Variants in KBTBD11 observed in about 807,000 individuals in gnomAD.
KBTBD11 encodes kelch repeat and BTB domain-containing protein 11.
For synonymous variants in KBTBD11, 747 were observed against 499.0 expected, an observed-to-expected ratio of 1.50 and a Z score of -6.63; for missense variants, 1,390 against 1,001.8, an observed-to-expected ratio of 1.39 and a Z score of -5.23.
rs1257047300 is a variant in KBTBD11, at chr8:2,005,815, G to A, written c.*2751G>A. The A allele has an allele frequency of 1.8e-5, 3 of 167,110 alleles. No homozygotes were observed. In the Admixed American group the frequency reaches 2.0e-4, roughly 11 times the overall value. The allele number at this position is 167,110 out of a possible 1,614,324, so 10.4% of individuals were successfully genotyped here. On this transcript the variant is annotated 3_prime_UTR_variant, in exon 2 of 2. Coordinates refer to ENST00000320248, the MANE Select transcript of KBTBD11 (RefSeq NM_014867.3). The stretch of plus-strand genomic sequence containing the variant: ...GGGGCCTTTCCAAATGTCTGAAAAG[G>A]CAGTGGTGTCTTTTGGGGAAAATGT...
chr8:1,997,874 C>T (rs951653979), intron 1 of KBTBD11, among the ~76,000 whole-genome samples: 8 of 152,294 alleles, frequency 5.3e-5, no homozygotes, highest in East Asian at 1.9e-4. Context: ...ACGGCGGCAA[C>T]GACAGAATAC....
At chr8:1,974,339 C>T (rs543421489) in intron 1 of KBTBD11, 4 of 984,594 alleles carry the variant, frequency 4.1e-6, no homozygotes, top group East Asian at 2.3e-4. Context: ...GTCACCGCCC[C>T]CGCCGAGGGT....
chr8:2,002,185 C>T lies in KBTBD11; in HGVS notation c.993C>T (p.His331=), dbSNP rs1279685425. The T allele has an allele frequency of 8.0e-7, 1 of 1,246,762 alleles. No homozygotes were observed. The highest frequency in any genetic ancestry group is 1.0e-6 in the Non-Finnish European group (1 of 998,098). The allele number at this position is 1,246,762 out of a possible 1,614,324, so 77.2% of individuals were successfully genotyped here. The part of the protein sequence containing the change: ...ARGDAAVYCF[H]AAAGEWRELT... ...GGGACGCGGCCGTCTACTGCTTCCA[C>T]GCGGCGGCCGGAGAGTGGCGCGAGC... The change falls in exon 2 of 2, where the codon CAC becomes CAT. Residue 331 remains histidine, a synonymous_variant. Transcript: ENST00000320248. This position sits in a 1 kb window ranked among gnomAD's most constrained non-coding sequence, Gnocchi z 4.1.
At chr8:1,999,477 C>CTTT (rs1459752976) in intron 1 of KBTBD11, among the ~76,000 whole-genome samples, 2 of 152,150 alleles carry the variant, frequency 1.3e-5, no homozygotes, top group African/African-American at 4.8e-5. Flanking sequence ...CTCTAAGACT[C>CTTT]TAAGTTTCTT....
At position 2,000,261 on chromosome 8, in the gene KBTBD11, CCTCT is replaced by C. The variant is rs1306833849; in HGVS notation, c.-908-21_-908-18del. On this transcript the variant is annotated intron_variant, in intron 1 of 1. Coordinates refer to ENST00000320248, the MANE Select transcript of KBTBD11 (RefSeq NM_014867.3). Reference sequence around the variant, plus strand: ...ACCTTACTGAAAAACGCACAAATATCCTCTCTTTTTGTCCTATAAACAGGAACAA... The same window carrying C: ...ACCTTACTGAAAAACGCACAAATATCCTTTTTGTCCTATAAACAGGAACAA... The C allele has an allele frequency of 2.6e-5, 4 of 152,212 alleles. No individual in the cohort carries two copies. Among genetic ancestry groups the C allele is most frequent in the African/African-American group, 9.7e-5 (4 of 41,438 alleles). 9.4% of individuals were successfully genotyped at this position (152,212 alleles called of 1,614,324 possible).
intron 1 of KBTBD11, among the ~76,000 whole-genome samples, chr8:1,980,905 G>A (rs1044825596): frequency 6.6e-5 from 10 of 152,198 alleles, no homozygotes; most frequent in African/African-American, 1.7e-4. Context: ...TGAGTTTCCC[G>A]CAGTTTCATG....
intron 1 of KBTBD11, among the ~76,000 whole-genome samples, chr8:1,995,583 T>C (rs11997759): frequency 0.94 from 142,962 of 152,178 alleles, 67,176 homozygotes; most frequent in East Asian, 1. Flanking sequence ...GTGTCAGTGA[T>C]GGCACCGACT....
chr8:1,974,603 C>T lies in KBTBD11; in HGVS notation c.-909+668C>T. ...CCCCGCGAGCCCCGAGCACCGCGAC[C>T]CACCCGCCCCACCGCGCCGCGGCTC... On this transcript the variant is annotated intron_variant, in intron 1 of 1. Coordinates refer to ENST00000320248, the MANE Select transcript of KBTBD11 (RefSeq NM_014867.3). 7 of 984,964 alleles carry T rather than the reference C, an allele frequency of 7.1e-6. No homozygotes were observed. In the African/African-American group the frequency reaches 1.2e-4, roughly 17 times the overall value. 61.0% of individuals were successfully genotyped at this position (984,964 alleles called of 1,614,324 possible).
Position 2,002,778 on chromosome 8 carries a change from G to T in KBTBD11, c.1586G>T (p.Cys529Phe). The T allele has an allele frequency of 6.8e-7, 1 of 1,470,264 alleles. No individual in the cohort carries two copies. Among genetic ancestry groups the T allele is most frequent in the Non-Finnish European group, 8.9e-7 (1 of 1,118,686 alleles). 91.1% of individuals were successfully genotyped at this position (1,470,264 alleles called of 1,614,324 possible). A position where few individuals can be genotyped will look rare whatever the true frequency, so the allele number is the denominator to read the frequency against. Residue 529 changes from cysteine (C) to phenylalanine (F), a missense_variant, in exon 2 of 2, where the codon TGC (cysteine) becomes TTC (phenylalanine). Physicochemically the swap from Cys to Phe is radical, Grantham distance 205 (BLOSUM62 -2). Coordinates refer to ENST00000320248, the MANE Select transcript of KBTBD11 (RefSeq NM_014867.3). The surrounding 1 kb of genome is among the most constrained non-coding windows in gnomAD (Gnocchi z 4.1). The stretch of plus-strand genomic sequence containing the variant: ...GGGGTCAGCGTGTCCCGATACCACT[G>T]CCTGGCCAAGCAGTGGAGCCCGTGC... The part of the protein sequence containing the change: ...PSGVSVSRYH[C>F]LAKQWSPCVA...
rs1817479000 is a variant in KBTBD11, at chr8:2,003,516, T to A, written c.*452T>A. The A allele has an allele frequency of 5.9e-6, 1 of 170,568 alleles. No homozygotes were observed. Among genetic ancestry groups the A allele is most frequent in the East Asian group, 1.9e-4 (1 of 5,326 alleles). The allele number at this position is 170,568 out of a possible 1,614,324, so 10.6% of individuals were successfully genotyped here. Reference sequence around the variant, plus strand: ...CACGCCTTTTATTTTTGGCTTGAGATTTAAAATTATAACTGATAAGTAAAG... The same window carrying A: ...CACGCCTTTTATTTTTGGCTTGAGAATTAAAATTATAACTGATAAGTAAAG... On this transcript the variant is annotated 3_prime_UTR_variant, in exon 2 of 2. Coordinates refer to ENST00000320248, the MANE Select transcript of KBTBD11 (RefSeq NM_014867.3).
intron 1 of KBTBD11, among the ~76,000 whole-genome samples, chr8:1,982,746 T>C (rs909615010): frequency 1.8e-5 from 2 of 113,092 alleles, no homozygotes; most frequent in African/African-American, 4.3e-5. Context: ...TGCTGAGCAC[T>C]TTTTTTTTTT....
At chr8:1,974,656 C>T (rs1044043490) in intron 1 of KBTBD11, 14 of 985,266 alleles carry the variant, frequency 1.4e-5, no homozygotes, top group African/African-American at 7.0e-5. Flanking sequence ...CCCCTTGCAG[C>T]CCCCGCCCCA....
intron 1 of KBTBD11, chr8:1,975,907 C>G (rs902809928): frequency 1.3e-5 from 2 of 152,250 alleles, no homozygotes; most frequent in Non-Finnish European, 2.9e-5. Context: ...AGGTAGCAAC[C>G]TTGGCAGTGG....
intron 1 of KBTBD11, among the ~76,000 whole-genome samples, chr8:1,999,610 C>G (rs1437257750): frequency 5.9e-5 from 9 of 152,194 alleles, no homozygotes; most frequent in African/African-American, 2.2e-4. Flanking sequence ...AGTCTTTTCG[C>G]TTTGATTTTC....
chr8:2,001,616 C>T lies in KBTBD11; in HGVS notation c.424C>T (p.Leu142=). The T allele has an allele frequency of 6.8e-7, 1 of 1,477,772 alleles. No homozygotes were observed. Among genetic ancestry groups the T allele is most frequent in the South Asian group, 1.3e-5 (1 of 78,820 alleles). 91.5% of individuals were successfully genotyped at this position (1,477,772 alleles called of 1,614,324 possible). ...CGGGGCGGTGTACGGGGAGCCGGACCTGGTGCTGGAGGTGTCGGGGCGCCG... is the reference window on the plus strand; with the variant it reads ...CGGGGCGGTGTACGGGGAGCCGGACTTGGTGCTGGAGGTGTCGGGGCGCCG... ...GFGAVYGEPD[L]VLEVSGRRLR... is the part of the protein sequence containing the mutation. The change falls in exon 2 of 2, where the codon CTG becomes TTG. Residue 142 remains leucine, a synonymous_variant. Coordinates refer to ENST00000320248, the MANE Select transcript of KBTBD11 (RefSeq NM_014867.3).
Position 2,001,945 on chromosome 8 carries a change from G to A in KBTBD11, c.753G>A (p.Leu251=), listed in dbSNP as rs1468353617. ...SAAKRQRLNE[L]RDAAYCFMSD... ...CCAAGCGGCAGCGGCTGAACGAGCT[G>A]CGCGACGCCGCCTACTGCTTCATGA... Residue 251 remains leucine (L), a synonymous_variant, in exon 2 of 2, where the codon CTG becomes CTA. Coordinates refer to ENST00000320248, the MANE Select transcript of KBTBD11 (RefSeq NM_014867.3). The A allele has an allele frequency of 4.1e-6, 6 of 1,473,932 alleles. No homozygotes were observed. In the African/African-American group the frequency reaches 7.3e-5, roughly 18 times the overall value. 91.3% of individuals were successfully genotyped at this position (1,473,932 alleles called of 1,614,324 possible).
chr8:1,993,528 TC>T (rs1817009939), intron 1 of KBTBD11, among the ~76,000 whole-genome samples: 1 of 41,860 alleles, frequency 2.4e-5, no homozygotes, highest in African/African-American at 6.6e-5. Flanking sequence ...CACCCATCCA[TC>T]CACCCACCCA....
chr8:1,982,596 A>T (rs1232981615), intron 1 of KBTBD11, among the ~76,000 whole-genome samples: 1 of 152,196 alleles, frequency 6.6e-6, no homozygotes, highest in Non-Finnish European at 1.5e-5. Context: ...ATTAGAGAGC[A>T]GAGGGAGCTA....
Position 2,002,118 on chromosome 8 carries a change from G to C in KBTBD11, c.926G>C (p.Gly309Ala). Residue 309 changes from glycine to alanine, a missense_variant, in exon 2 of 2, where the codon GGC (glycine) becomes GCC (alanine). Gly to Ala is a moderately conservative substitution (Grantham distance 60). Transcript: ENST00000320248. This position sits in a 1 kb window ranked among gnomAD's most constrained non-coding sequence, Gnocchi z 4.1. ...AALGPAGERAGSRPQSPSGDA... is the reference protein window; with the variant it reads ...AALGPAGERAASRPQSPSGDA... The stretch of plus-strand genomic sequence containing the variant: ...CTCGGGCCGGCGGGGGAGCGCGCGG[G>C]CAGCCGGCCTCAGAGCCCCTCGGGG... The C allele has an allele frequency of 9.0e-7, 1 of 1,107,650 alleles. No individual in the cohort carries two copies. Among genetic ancestry groups the C allele is most frequent in the Middle Eastern group, 3.9e-4 (1 of 2,552 alleles). The allele number at this position is 1,107,650 out of a possible 1,614,324, so 68.6% of individuals were successfully genotyped here.
Sources: allele counts gnomAD v4.1 joint callset (sites outside exome capture counted in the v4.1 genomes callset), GRCh38; gene constraint gnomAD v4.1.1; non-coding constraint Gnocchi (gnomAD v3.1); transcripts MANE v1.5; gene names NCBI Gene and HGNC (gene_info 2026-07-23, HGNC 2026-07-21).